Variants in EXOC2 observed in about 807,000 individuals in gnomAD.
The protein encoded by EXOC2 is exocyst complex component 2.
EXOC2 carries 70 observed loss-of-function variants against 131.8 expected under a neutral mutation model. The observed-to-expected ratio is 0.53, with a 90% CI of 0.44 to 0.65. EXOC2 has a LOEUF of 0.65. Ranked by LOEUF, EXOC2 falls within the 30% of genes least tolerant of loss-of-function variation. The pLI is 0.00. For missense variants in EXOC2, 923 were observed against 1,108.6 expected, an observed-to-expected ratio of 0.83 and a Z score of 2.38; for synonymous variants, 411 against 398.4, an observed-to-expected ratio of 1.03 and a Z score of -0.38.
chr6:551,571 C>G (rs1411915599), intron 21 of EXOC2, among the ~76,000 whole-genome samples: 1 of 152,284 alleles, frequency 6.6e-6, no homozygotes, highest in East Asian at 1.9e-4. Context: ...GCTCCACCCA[C>G]TGGAAGAGGC....
chr6:592,828 C>T (rs1371148772), intron 10 of EXOC2, among the ~76,000 whole-genome samples: 1 of 151,992 alleles, frequency 6.6e-6, no homozygotes, highest in Non-Finnish European at 1.5e-5. Flanking sequence ...CAGTTCAAGA[C>T]CAGCCTGGCC....
chr6:527,256 T>C (rs1765796197), intron 23 of EXOC2, among the ~76,000 whole-genome samples: 1 of 152,242 alleles, frequency 6.6e-6, no homozygotes, highest in Admixed American at 6.5e-5. Flanking sequence ...TTGTAGCATT[T>C]TTCTTATTCT....
At chr6:560,570 A>C (rs977297058) in intron 17 of EXOC2, among the ~76,000 whole-genome samples, 2 of 152,226 alleles carry the variant, frequency 1.3e-5, no homozygotes, top group African/African-American at 4.8e-5. Flanking sequence ...GATGGTTCAC[A>C]TTCTGCCTTT....
chr6:587,524 G>A (rs569043827), intron 11 of EXOC2, among the ~76,000 whole-genome samples: 16 of 152,318 alleles, frequency 1.1e-4, no homozygotes, highest in African/African-American at 2.9e-4. Flanking sequence ...GATTACAGGC[G>A]TGAGCCACCG....
chr6:590,150 G>T (rs1051928994), intron 11 of EXOC2, among the ~76,000 whole-genome samples: 2 of 151,874 alleles, frequency 1.3e-5, no homozygotes, highest in African/African-American at 2.4e-5. Context: ...GGACTCTGAT[G>T]GGCCCTTAAG....
At chr6:491,929 A>C (rs1561772683) in intron 25 of EXOC2, among the ~76,000 whole-genome samples, 1 of 152,236 alleles carries the variant, frequency 6.6e-6, no homozygotes, top group Non-Finnish European at 1.5e-5. Context: ...AGTCTGTTCA[A>C]CAAATGGTGC....
intron 1 of EXOC2, among the ~76,000 whole-genome samples, chr6:654,482 G>A (rs9502388): frequency 0.12 from 17,525 of 152,076 alleles, 1,299 homozygotes; most frequent in African/African-American, 0.19. Context: ...CCGCAAGTAT[G>A]GTGGAAGTAG....
intron 17 of EXOC2, among the ~76,000 whole-genome samples, chr6:559,129 A>C (rs904132149): frequency 1.3e-5 from 2 of 152,226 alleles, no homozygotes; most frequent in African/African-American, 4.8e-5. Flanking sequence ...TTCTGAAAGA[A>C]GAAAATTCTC....
chr6:630,236 C>A (rs916795814), intron 3 of EXOC2, among the ~76,000 whole-genome samples: 1 of 151,528 alleles, frequency 6.6e-6, no homozygotes. Flanking sequence ...GCTGCTTAGA[C>A]AAAGTTTTGC....
chr6:488,265 C>T (rs529774234), intron 27 of EXOC2, among the ~76,000 whole-genome samples: 1 of 152,320 alleles, frequency 6.6e-6, no homozygotes, highest in East Asian at 1.9e-4. Flanking sequence ...ATTCACGGTG[C>T]CAGCATTTCA....
At chr6:692,624 G>A (rs1007438431) in intron 1 of EXOC2, among the ~76,000 whole-genome samples, 2 of 152,276 alleles carry the variant, frequency 1.3e-5, no homozygotes, top group Admixed American at 6.5e-5. Flanking sequence ...GGTAACACCC[G>A]CCTCGCGTTC....
At chr6:607,295 T>C (rs761935504) in intron 7 of EXOC2, among the ~76,000 whole-genome samples, 6 of 152,220 alleles carry the variant, frequency 3.9e-5, no homozygotes, top group Non-Finnish European at 7.3e-5. Flanking sequence ...TGGATATAAA[T>C]TGCAGCTCTG....
intron 13 of EXOC2, among the ~76,000 whole-genome samples, chr6:571,695 G>A (rs1449084835): frequency 6.6e-6 from 1 of 152,214 alleles, no homozygotes; most frequent in African/African-American, 2.4e-5. Context: ...AAAAGAAGCA[G>A]AAAGTAGCCT....
chr6:505,401 A>G (rs533402283), intron 23 of EXOC2, among the ~76,000 whole-genome samples: 1 of 152,364 alleles, frequency 6.6e-6, no homozygotes, highest in Non-Finnish European at 1.5e-5. Flanking sequence ...CACAGACAGA[A>G]TTAGACTGGG....
intron 4 of EXOC2, among the ~76,000 whole-genome samples, chr6:624,790 A>G (rs1363290179): frequency 6.6e-6 from 1 of 152,262 alleles, no homozygotes; most frequent in African/African-American, 2.4e-5. Context: ...AAGAGGTAGT[A>G]TATCAACACA....
intron 2 of EXOC2, among the ~76,000 whole-genome samples, chr6:636,234 A>G (rs1182840517): frequency 6.6e-6 from 1 of 152,210 alleles, no homozygotes; most frequent in East Asian, 1.9e-4. Flanking sequence ...GTGTGAGTAG[A>G]TTTCTATGCA....
intron 15 of EXOC2, 43 bp from the exon 16 acceptor site, chr6:564,197 C>T (rs373655536): frequency 1.3e-5 from 21 of 1,601,922 alleles, no homozygotes; most frequent in Middle Eastern, 3.3e-4. Context: ...AGAGTGGGAT[C>T]GCAAAGCAAT....
intron 12 of EXOC2, among the ~76,000 whole-genome samples, chr6:574,755 C>G (rs1216032866): frequency 6.6e-6 from 1 of 152,246 alleles, no homozygotes; most frequent in African/African-American, 2.4e-5. Flanking sequence ...CTGAACAAGG[C>G]AGGCTCTGCC....
chr6:537,494 G>A (rs564579890), intron 22 of EXOC2, among the ~76,000 whole-genome samples: 3 of 152,186 alleles, frequency 2.0e-5, no homozygotes, highest in East Asian at 1.9e-4. Context: ...GATGATGACC[G>A]ACGGAGCGTA....
Sources: allele counts gnomAD v4.1 joint callset (sites outside exome capture counted in the v4.1 genomes callset), GRCh38; gene constraint gnomAD v4.1.1; transcripts MANE v1.5; gene names NCBI Gene and HGNC (gene_info 2026-07-23, HGNC 2026-07-21).